Variants in TASP1 observed in about 807,000 individuals in gnomAD.
The protein encoded by TASP1 is taspase 1.
TASP1 carries 16 observed loss-of-function variants against 56.6 expected under a neutral mutation model. The observed-to-expected ratio is 0.28, with a 90% CI of 0.19 to 0.43. The LOEUF (loss-of-function observed/expected upper bound fraction) is 0.43. TASP1 is among the 20% of genes least tolerant of loss of function. TASP1 has a pLI of 1.00. For synonymous variants in TASP1, 179 were observed against 184.2 expected, an observed-to-expected ratio of 0.97 and a Z score of 0.23; for missense variants, 393 against 511.6, an observed-to-expected ratio of 0.77 and a Z score of 2.24.
At chr20:13,183,583 T>C in the TASP1 span, among the ~76,000 whole-genome samples, 1 of 152,150 alleles carries the variant, frequency 6.6e-6, no homozygotes, top group African/African-American at 2.4e-5. Flanking sequence ...ATTTAATAGG[T>C]TGAGAGTAAA....
intron 11 of TASP1, among the ~76,000 whole-genome samples, chr20:13,479,463 CTTTTT>C (rs777068211): frequency 7.1e-6 from 1 of 141,784 alleles, no homozygotes; most frequent in Admixed American, 7.1e-5. Context: ...TGATTTACAA[CTTTTT>C]TTTTTTTTTT....
chr20:13,195,101 C>A, the TASP1 span, among the ~76,000 whole-genome samples: 1 of 152,168 alleles, frequency 6.6e-6, no homozygotes, highest in Admixed American at 6.5e-5. Context: ...TCAATCCATG[C>A]CTTGGCGCCC....
At chr20:13,148,953 C>T in the TASP1 span, among the ~76,000 whole-genome samples, 2,793 of 152,296 alleles carry the variant, frequency 0.018, 54 homozygotes, top group South Asian at 0.03. Flanking sequence ...TGATTTCTCC[C>T]AATTTTCCTG....
the TASP1 span, chr20:13,126,676 G>C: frequency 2.4e-5 from 39 of 1,613,910 alleles, no homozygotes; most frequent in Non-Finnish European, 3.2e-5. Context: ...CAAATCATCA[G>C]ATCACTAAAA....
chr20:13,395,750 G>A (rs1600669913), intron 13 of TASP1, among the ~76,000 whole-genome samples: 1 of 148,562 alleles, frequency 6.7e-6, no homozygotes, highest in Middle Eastern at 3.5e-3. Flanking sequence ...CACCCAGGCT[G>A]GAGTGCAGTG....
intron 4 of TASP1, among the ~76,000 whole-genome samples, chr20:13,619,256 G>C (rs554748700): frequency 4.3e-4 from 65 of 152,240 alleles, no homozygotes; most frequent in African/African-American, 1.5e-3. Flanking sequence ...TTTTCAGAAT[G>C]AATTAACCAA....
intron 7 of TASP1, among the ~76,000 whole-genome samples, chr20:13,565,567 T>G (rs1285346356): frequency 6.6e-6 from 1 of 152,060 alleles, no homozygotes; most frequent in Non-Finnish European, 1.5e-5. Context: ...GATATAAAAA[T>G]GGCCAATAAG....
intron 4 of TASP1, among the ~76,000 whole-genome samples, chr20:13,605,902 A>G (rs2048130339): frequency 6.6e-6 from 1 of 152,088 alleles, no homozygotes; most frequent in Admixed American, 6.6e-5. Context: ...CTAATTTTCA[A>G]CATTTACAAG....
At chr20:13,173,552 G>C in the TASP1 span, among the ~76,000 whole-genome samples, 4 of 152,200 alleles carry the variant, frequency 2.6e-5, no homozygotes, top group Admixed American at 2.6e-4. Flanking sequence ...AAATGGATGG[G>C]CTAGGCTGGA....
chr20:13,221,507 G>A, the TASP1 span, among the ~76,000 whole-genome samples: 1 of 144,118 alleles, frequency 6.9e-6, no homozygotes, highest in African/African-American at 2.5e-5. Flanking sequence ...GGCTTGCTCC[G>A]CAGCCGGCTT....
the TASP1 span, among the ~76,000 whole-genome samples, chr20:13,312,556 C>G: frequency 6.6e-6 from 1 of 152,210 alleles, no homozygotes; most frequent in African/African-American, 2.4e-5. Flanking sequence ...GGACAGGAGG[C>G]CTCAAACAAG....
chr20:13,429,271 T>G (rs1231634138), intron 12 of TASP1, among the ~76,000 whole-genome samples: 3 of 152,318 alleles, frequency 2.0e-5, no homozygotes, highest in Non-Finnish European at 4.4e-5. Context: ...TCGAAGAAGA[T>G]TCACATTTGA....
At chr20:13,303,775 C>T in the TASP1 span, among the ~76,000 whole-genome samples, 1 of 152,164 alleles carries the variant, frequency 6.6e-6, no homozygotes, top group African/African-American at 2.4e-5. Flanking sequence ...AAATCAAAGT[C>T]CCTCCTCTTG....
At chr20:13,211,528 AT>A in the TASP1 span, among the ~76,000 whole-genome samples, 2 of 152,076 alleles carry the variant, frequency 1.3e-5, no homozygotes, top group African/African-American at 4.8e-5. Flanking sequence ...AAATTATACC[AT>A]TATTCAATTC....
chr20:13,497,086 C>G (rs914516380), intron 10 of TASP1, among the ~76,000 whole-genome samples: 3 of 152,216 alleles, frequency 2.0e-5, no homozygotes, highest in Non-Finnish European at 4.4e-5. Context: ...ATCCATTCAT[C>G]AATTCTTTCC....
chr20:13,267,318 C>T, the TASP1 span, among the ~76,000 whole-genome samples: 6,457 of 152,232 alleles, frequency 0.042, 191 homozygotes, highest in South Asian at 0.11. Flanking sequence ...GGGGGCAGGG[C>T]GGTTCGGAGA....
the TASP1 span, among the ~76,000 whole-genome samples, chr20:13,345,151 A>G: frequency 9.5e-3 from 1,442 of 152,318 alleles, 28 homozygotes; most frequent in African/African-American, 0.032. Flanking sequence ...GTGTAACCAC[A>G]TTGTAGGTAA....
At chr20:13,307,887 T>C in the TASP1 span, among the ~76,000 whole-genome samples, 1 of 152,250 alleles carries the variant, frequency 6.6e-6, no homozygotes, top group Non-Finnish European at 1.5e-5. Context: ...AGTGCTACTA[T>C]GGACAGTCCA....
intron 13 of TASP1, among the ~76,000 whole-genome samples, chr20:13,394,358 C>T (rs2041432988): frequency 6.7e-6 from 1 of 148,928 alleles, no homozygotes; most frequent in African/African-American, 2.5e-5. Flanking sequence ...CGCCTGTAAT[C>T]CCAGCACTTT....
Sources: allele counts gnomAD v4.1 joint callset (sites outside exome capture counted in the v4.1 genomes callset), GRCh38; gene constraint gnomAD v4.1.1; transcripts MANE v1.5; gene names NCBI Gene and HGNC (gene_info 2026-07-23, HGNC 2026-07-21).